NUP50: variants seen among roughly 807,000 people sequenced by gnomAD.
NUP50 encodes the protein nucleoporin 50.
A neutral mutation model predicts 36.8 loss-of-function variants in NUP50; 14 were observed. That is an observed-to-expected ratio of 0.38 (90% CI 0.25 to 0.59). NUP50 has a LOEUF of 0.59. Ranked by LOEUF, NUP50 falls within the 20% of genes least tolerant of loss-of-function variation. The pLI is 0.63. For missense variants in NUP50, 455 were observed against 564.6 expected (o/e 0.81, Z 1.97); for synonymous variants, 195 against 210.8 (o/e 0.93, Z 0.65).
At chr22:45,178,213 T>G (rs775705220) in intron 4 of NUP50, 25 bp from the exon 5 acceptor site, 1 of 1,588,508 alleles carries the variant, frequency 6.3e-7, no homozygotes, top group South Asian at 1.1e-5. Context: ...GCTAAATAAA[T>G]GGTTCAATTA....
intron 2 of NUP50, chr22:45,170,927 G>T (rs765441399): frequency 1.7e-5 from 21 of 1,255,058 alleles, no homozygotes; most frequent in Non-Finnish European, 2.1e-5. Flanking sequence ...AGTTTAATAT[G>T]ATCTGAAACA....
intron 1 of NUP50, chr22:45,164,734 A>T (rs1228949508): frequency 1.3e-5 from 2 of 149,782 alleles, no homozygotes; most frequent in Admixed American, 6.6e-5. Flanking sequence ...CTCGAGTGAG[A>T]CTCTCCCCTG....
At chr22:45,180,014 G>A (rs1192058332) in intron 5 of NUP50, among the ~76,000 whole-genome samples, 2 of 152,208 alleles carry the variant, frequency 1.3e-5, no homozygotes, top group East Asian at 1.9e-4. Flanking sequence ...GTTTTGCCTT[G>A]CCCTGCTTTC....
intron 5 of NUP50, among the ~76,000 whole-genome samples, chr22:45,180,524 C>G (rs188768690): frequency 1.3e-5 from 2 of 152,278 alleles, no homozygotes; most frequent in African/African-American, 4.8e-5. Flanking sequence ...CAGGCACGTA[C>G]CGCCACACCT....
In NUP50 at chr22:45,175,776, T is replaced by C. The variant is rs115035539; in HGVS notation, c.154-118T>C. On this transcript the variant is annotated intron_variant, in intron 3 of 7. Coordinates refer to ENST00000347635, the MANE Select transcript of NUP50 (RefSeq NM_007172.4). ...CTGCTTGTGCCAGCAGTTTGCCTTA[T>C]AACGCTGACTGCATGTGGAGTCTAG... 1.1e-3 allele frequency: 965 copies of C among 839,712 alleles called. 6 individuals carry two copies. The African/African-American group carries it at 0.014, about 12-fold the overall frequency. 52.0% of individuals were successfully genotyped at this position (839,712 alleles called of 1,614,324 possible). A position where few individuals can be genotyped will look rare whatever the true frequency, so the allele number is the denominator to read the frequency against.
At chr22:45,170,891 C>A in intron 2 of NUP50, 1 of 801,134 alleles carries the variant, frequency 1.2e-6, no homozygotes, top group Non-Finnish European at 1.8e-6. Flanking sequence ...CCAGATGGTC[C>A]CCTCTATGAG....
chr22:45,178,255 G>A lies in NUP50; in HGVS notation c.358G>A (p.Gly120Ser). Reference sequence around the variant, plus strand: ...TTCTATAGGTTCTCTTGCTGCAAATGGCCCTACCACCTTGGTTGATAAAGT... The same window carrying A: ...TTCTATAGGTTCTCTTGCTGCAAATAGCCCTACCACCTTGGTTGATAAAGT... ...KVAFGSLAAN[G>S]PTTLVDKVSN... The change falls in exon 5 of 8, where the codon GGC (glycine) becomes AGC (serine). Residue 120 changes from glycine (G) to serine (S), a missense_variant. Gly to Ser is a moderately conservative substitution (Grantham distance 56). Around this residue, in one of 3 missense-constraint regions of NUP50, gnomAD observed 166 missense variants for 202.8 expected, o/e 0.82. Coordinates refer to ENST00000347635, the MANE Select transcript of NUP50 (RefSeq NM_007172.4). The A allele has an allele frequency of 1.9e-6, 3 of 1,613,320 alleles. No individual in the cohort carries two copies. The highest frequency in any genetic ancestry group is 2.5e-6 in the Non-Finnish European group (3 of 1,179,488).
intron 3 of NUP50, among the ~76,000 whole-genome samples, chr22:45,174,232 C>T (rs1429029956): frequency 1.3e-5 from 2 of 148,416 alleles, no homozygotes; most frequent in Admixed American, 6.8e-5. Flanking sequence ...GGGTGGAGTG[C>T]GGTGGCACAA....
At chr22:45,173,568 A>G (rs2074231380) in intron 3 of NUP50, among the ~76,000 whole-genome samples, 1 of 152,182 alleles carries the variant, frequency 6.6e-6, no homozygotes, top group Admixed American at 6.5e-5. Flanking sequence ...GGTATACAAC[A>G]GGAATTATGG....
intron 1 of NUP50, chr22:45,166,394 T>G (rs1345955086): frequency 1.3e-5 from 2 of 151,578 alleles, no homozygotes; most frequent in Non-Finnish European, 2.9e-5. Flanking sequence ...TTCAAGAGAT[T>G]CTCCTGCCTC....
At chr22:45,172,876 A>G (rs1449171191) in intron 3 of NUP50, among the ~76,000 whole-genome samples, 1 of 152,206 alleles carries the variant, frequency 6.6e-6, no homozygotes, top group African/African-American at 2.4e-5. Context: ...AGTATTCGCA[A>G]TTTTCCTAAA....
chr22:45,184,631 T>G lies in NUP50; in HGVS notation c.1383T>G (p.Ile461Met), dbSNP rs1438403301. ...TSEDADELHKILLEKKDA is the reference protein window; with the variant it reads ...TSEDADELHKMLLEKKDA The stretch of plus-strand genomic sequence containing the variant: ...AGGATGCAGACGAGTTGCACAAAAT[T>G]TTACTGGAGAAAAAGGATGCCTGAA... The change falls in exon 8 of 8, where the codon ATT becomes ATG. Residue 461 changes from isoleucine (I) to methionine (M), a missense_variant. By Grantham distance (10) the Ile-to-Met change is conservative. Around this residue, in one of 3 missense-constraint regions of NUP50, gnomAD observed 287 missense variants for 345.5 expected, o/e 0.83. Coordinates refer to ENST00000347635, the MANE Select transcript of NUP50 (RefSeq NM_007172.4). 6.2e-7 allele frequency: 1 copy of G among 1,612,986 alleles called. No homozygotes were observed. The highest frequency in any genetic ancestry group is 1.1e-5 in the South Asian group (1 of 91,036).
chr22:45,172,014 C>T (rs975130269), intron 3 of NUP50: 2 of 244,194 alleles, frequency 8.2e-6, no homozygotes, highest in Non-Finnish European at 1.6e-5. Flanking sequence ...AGAGTCTTGT[C>T]TGCTCCCTGC....
chr22:45,180,806 G>A (rs2074356216), intron 5 of NUP50, among the ~76,000 whole-genome samples: 1 of 151,704 alleles, frequency 6.6e-6, no homozygotes, highest in Non-Finnish European at 1.5e-5. Context: ...TTACACTGGG[G>A]CTTTGGAATG....
chr22:45,171,848 G>A, intron 3 of NUP50, 165 bp downstream of exon 3: 1 of 578,412 alleles, frequency 1.7e-6, no homozygotes. Context: ...GTCAGGTCTG[G>A]ACCTTAAAGA....
intron 2 of NUP50, among the ~76,000 whole-genome samples, chr22:45,170,059 G>C (rs570841811): frequency 6.6e-6 from 1 of 152,164 alleles, no homozygotes; most frequent in Non-Finnish European, 1.5e-5. Context: ...AAATGCTGAC[G>C]TACGCCGCCT....
intron 7 of NUP50, 158 bp from the exon 8 acceptor site, chr22:45,184,295 A>C (rs974062705): frequency 7.3e-6 from 5 of 684,472 alleles, no homozygotes; most frequent in Non-Finnish European, 1.2e-5. Context: ...GAGGCCTCCC[A>C]GTTCTCAGGG....
chr22:45,176,895 CCAT>C (rs1276753828), intron 4 of NUP50, among the ~76,000 whole-genome samples: 4 of 152,136 alleles, frequency 2.6e-5, no homozygotes, highest in Non-Finnish European at 4.4e-5. Flanking sequence ...GCATGCACCA[CCAT>C]GCCCAGCTAA....
chr22:45,171,236 G>T, intron 2 of NUP50: 3 of 1,083,912 alleles, frequency 2.8e-6, no homozygotes, highest in Non-Finnish European at 3.5e-6. Context: ...TTGCTCTGTT[G>T]CCCAGGCTGG....
Sources: allele counts gnomAD v4.1 joint callset (sites outside exome capture counted in the v4.1 genomes callset), GRCh38; gene constraint gnomAD v4.1.1; regional missense constraint gnomAD v4.1.1; transcripts MANE v1.5; gene names NCBI Gene and HGNC (gene_info 2026-07-23, HGNC 2026-07-21).